The following EIF2AK1 variants were observed in gnomAD, a reference collection of about 807,000 sequenced individuals.
The protein encoded by EIF2AK1 is eukaryotic translation initiation factor 2 alpha kinase 1.
A neutral mutation model predicts 77.9 loss-of-function variants in EIF2AK1; 54 were observed. The observed-to-expected ratio is 0.69, with a 90% confidence interval of 0.56 to 0.87. EIF2AK1 has a LOEUF of 0.87. Ranked by LOEUF, EIF2AK1 falls within the 40% of genes least tolerant of loss-of-function variation. The pLI is 0.00. For missense variants in EIF2AK1, 810 were observed against 768.6 expected (o/e 1.05, Z -0.64); for synonymous variants, 314 against 290.5 (o/e 1.08, Z -0.82).
rs1583471192 is a variant in EIF2AK1, at chr7:6,024,398, CAG to C, written c.*273_*274del. On this transcript the variant is annotated 3_prime_UTR_variant, in exon 15 of 15. Coordinates refer to ENST00000199389, the MANE Select transcript of EIF2AK1 (RefSeq NM_014413.4). ...CGGTACCTTCTAGAGGAAGACCAGA[CAG>C]AGGGTCAACAGAGTTGAAAGGAGAA... is the stretch of plus-strand genomic sequence containing the variant. 3 of 1,306,200 alleles carry C rather than the reference CAG, an allele frequency of 2.3e-6. No individual in the cohort carries two copies. The highest frequency in any genetic ancestry group is 3.4e-5 in the Admixed American group (1 of 29,818). 80.9% of individuals were successfully genotyped at this position (1,306,200 alleles called of 1,614,324 possible).
At position 6,023,849 on chromosome 7, in the gene EIF2AK1, T is replaced by C; in HGVS notation, c.*824A>G. 1 of 1,549,492 alleles carries C rather than the reference T, an allele frequency of 6.5e-7. No homozygotes were observed. The highest frequency in any genetic ancestry group is 1.7e-4 in the Middle Eastern group (1 of 5,986). ...CATGTAATTTATGGTTTTCATTTTA[T>C]TTAAAATTCAGCAAAATCATACGCC... On this transcript the variant is annotated 3_prime_UTR_variant, in exon 15 of 15. Transcript: ENST00000199389.
At chr7:6,047,163 A>C (rs745627325) in intron 4 of EIF2AK1, 72 bp from the exon 5 acceptor site, 1 of 1,407,964 alleles carries the variant, frequency 7.1e-7, no homozygotes, top group African/African-American at 1.4e-5. Flanking sequence ...CCTCATGCTC[A>C]CAGGATTACT....
In EIF2AK1 at chr7:6,024,066, G is replaced by A; in HGVS notation, c.*607C>T. 7.7e-7 allele frequency: 1 copy of A among 1,306,018 alleles called. No homozygotes were observed. The highest frequency in any genetic ancestry group is 1.2e-5 in the South Asian group (1 of 81,156). The allele number at this position is 1,306,018 out of a possible 1,614,324, so 80.9% of individuals were successfully genotyped here. On this transcript the variant is annotated 3_prime_UTR_variant, in exon 15 of 15. Coordinates refer to ENST00000199389, the MANE Select transcript of EIF2AK1 (RefSeq NM_014413.4). ...CTGAGCTGCCTGGAGATCATCTGGGGTGCGGAGTACAAAGCTTTGCAAGGG... is the reference window on the plus strand; with the variant it reads ...CTGAGCTGCCTGGAGATCATCTGGGATGCGGAGTACAAAGCTTTGCAAGGG...
At chr7:6,047,153 C>A in intron 4 of EIF2AK1, 62 bp from the exon 5 acceptor site, 1 of 1,476,920 alleles carries the variant, frequency 6.8e-7, no homozygotes, top group Non-Finnish European at 9.4e-7. Context: ...TTCTAGGATA[C>A]CTCATGCTCA....
Position 6,024,600 on chromosome 7 carries a change from T to C in EIF2AK1, c.*73A>G, listed in dbSNP as rs1787684058. 6.9e-6 allele frequency: 11 copies of C among 1,601,034 alleles called. No individual in the cohort carries two copies. In the East Asian group the frequency reaches 1.8e-4, roughly 26 times the overall value. On this transcript the variant is annotated 3_prime_UTR_variant, in exon 15 of 15. Coordinates refer to ENST00000199389, the MANE Select transcript of EIF2AK1 (RefSeq NM_014413.4). ...AAGGCTTACTAAATACAACGAAGCA[T>C]TGTACCAACTATACCCTAATAAAGA... is the stretch of plus-strand genomic sequence containing the variant.
Position 6,055,796 on chromosome 7 carries a change from C to G in EIF2AK1, c.119-1092G>C, listed in dbSNP as rs558347539. 4.9e-4 allele frequency among the ~76,000 whole-genome samples: 74 copies of G among 150,392 alleles called. 2 individuals carry two copies. The South Asian group carries it at 0.015, about 31-fold the overall frequency. On this transcript the variant is annotated intron_variant, in intron 1 of 14. Coordinates refer to ENST00000199389, the MANE Select transcript of EIF2AK1 (RefSeq NM_014413.4). ...AGGAGTTCGAGACCAGCCTGGCCAA[C>G]ATGGAGAAACCCTGTCTCTACGAAA...
Position 6,023,664 on chromosome 7 carries a change from T to A in EIF2AK1, c.*1009A>T. The A allele has an allele frequency of 6.2e-7, 1 of 1,614,148 alleles. No homozygotes were observed. Among genetic ancestry groups the A allele is most frequent in the Non-Finnish European group, 8.5e-7 (1 of 1,180,026 alleles). On this transcript the variant is annotated 3_prime_UTR_variant, in exon 15 of 15. Coordinates refer to ENST00000199389, the MANE Select transcript of EIF2AK1 (RefSeq NM_014413.4). ...GGTCTTGTGAAAACCTGGCTCCTTT[T>A]AACACGGCCCTCAAGCTCCTTAAGT... is the stretch of plus-strand genomic sequence containing the variant.
chr7:6,058,105 C>A (rs1454689410), intron 1 of EIF2AK1: 1 of 455,492 alleles, frequency 2.2e-6, no homozygotes, highest in Non-Finnish European at 4.4e-6. Flanking sequence ...TCCTAGTAAA[C>A]AAAAGCCTCA....
Position 6,037,538 on chromosome 7 carries a change from A to T in EIF2AK1, c.1232-14T>A. On this transcript the variant is annotated splice_polypyrimidine_tract_variant and intron_variant, in intron 10 of 14. Coordinates refer to ENST00000199389, the MANE Select transcript of EIF2AK1 (RefSeq NM_014413.4). The stretch of plus-strand genomic sequence containing the variant: ...TAACATAAGGACCTTGAAGTAAAAA[A>T]AAATAGTTTTATTTCTCTAATTTTT... The T allele has an allele frequency of 6.5e-7, 1 of 1,541,418 alleles. No individual in the cohort carries two copies. The highest frequency in any genetic ancestry group is 8.9e-7 in the Non-Finnish European group (1 of 1,122,092).
chr7:6,048,546 C>T (rs1788510009), intron 4 of EIF2AK1, among the ~76,000 whole-genome samples: 2 of 152,068 alleles, frequency 1.3e-5, no homozygotes, highest in Non-Finnish European at 2.9e-5. Context: ...TTCAATGGTC[C>T]CCCTAACAGA....
chr7:6,054,107 C>A lies in EIF2AK1; in HGVS notation c.277+439G>T, dbSNP rs187228146. Among the ~76,000 whole-genome samples the A allele has an allele frequency of 1.4e-4, 22 of 152,138 alleles. No homozygotes were observed. The East Asian group carries it at 3.5e-3, about 24-fold the overall frequency. On this transcript the variant is annotated intron_variant, in intron 2 of 14. Transcript: ENST00000199389. The stretch of plus-strand genomic sequence containing the variant: ...TAACCATCCTCCACTATCCTCCCAG[C>A]CTCTGGGAACCATCATTCTACTCTA...
In EIF2AK1 at chr7:6,036,385, G is replaced by A. The variant is rs947820035; in HGVS notation, c.1332+1039C>T. 1 of 1,459,518 alleles carries A rather than the reference G, an allele frequency of 6.9e-7. No individual in the cohort carries two copies. The highest frequency in any genetic ancestry group is 1.4e-5 in the African/African-American group (1 of 70,230). 90.4% of individuals were successfully genotyped at this position (1,459,518 alleles called of 1,614,324 possible). A position where few individuals can be genotyped will look rare whatever the true frequency, so the allele number is the denominator to read the frequency against. ...TGTTATGACTTGGCATATACCTCTT[G>A]AAATAAGACCTCCCAGTTTCACAGC... On this transcript the variant is annotated intron_variant, in intron 11 of 14. Transcript: ENST00000199389. This position sits in a 1 kb window ranked among gnomAD's most constrained non-coding sequence, Gnocchi z 4.6.
rs71008353 is a variant in EIF2AK1, at chr7:6,056,613, A to AATATATAT, written c.119-1917_119-1910dup. On this transcript the variant is annotated intron_variant, in intron 1 of 14. Transcript: ENST00000199389. ...CATCTCAAGGGAAAAAAAAAAAAAA[A>AATATATAT]ATATATATATATATATATATATAAA... 8.2e-4 allele frequency among the ~76,000 whole-genome samples: 36 copies of AATATATAT among 43,738 alleles called. 3 individuals carry two copies. The highest frequency in any genetic ancestry group is 3.0e-3 in the African/African-American group (36 of 12,158). 28.7% of individuals were successfully genotyped at this position (43,738 alleles called of 152,430 possible). A position where few individuals can be genotyped will look rare whatever the true frequency, so the allele number is the denominator to read the frequency against.
At chr7:6,056,613 A>AAAAATATATATATATAT in intron 1 of EIF2AK1, among the ~76,000 whole-genome samples, 15 of 43,736 alleles carry the variant, frequency 3.4e-4, no homozygotes, top group Non-Finnish European at 4.7e-4. Flanking sequence ...AAAAAAAAAA[A>AAAAATATATATATATAT]ATATATATAT....
chr7:6,034,778 G>T (rs553306378), intron 11 of EIF2AK1, among the ~76,000 whole-genome samples: 1 of 152,144 alleles, frequency 6.6e-6, no homozygotes, highest in African/African-American at 2.4e-5. Context: ...TTTTGAAAGC[G>T]CTTCTGAGAT....
Position 6,038,565 on chromosome 7 carries a change from G to A in EIF2AK1, c.1226C>T (p.Ser409Phe). ...NKRGREYVDE[S>F]ACPYVMANVA... ...CAGACCCAGATGGTACTCACAGGCA[G>A]ACTCGTCCACATACTCCCGGCCCCG... The change falls in exon 10 of 15, where the codon TCT (serine) becomes TTT (phenylalanine). Residue 409 changes from serine (S) to phenylalanine (F), a missense_variant. By Grantham distance (155) the Ser-to-Phe change is radical. Transcript: ENST00000199389. 1 of 1,610,490 alleles carries A rather than the reference G, an allele frequency of 6.2e-7. No homozygotes were observed. The highest frequency in any genetic ancestry group is 8.5e-7 in the Non-Finnish European group (1 of 1,178,126).
At chr7:6,028,892 A>G in intron 12 of EIF2AK1, 26 bp downstream of exon 12, 1 of 1,571,342 alleles carries the variant, frequency 6.4e-7, no homozygotes, top group African/African-American at 1.4e-5. Flanking sequence ...TTATGCAAAG[A>G]AAACAAAACA....
chr7:6,057,598 T>TAA (rs143149612), intron 1 of EIF2AK1: 19 of 133,734 alleles, frequency 1.4e-4, no homozygotes, highest in South Asian at 4.8e-4. Flanking sequence ...AAGCATTCCA[T>TAA]AAAAAAAAAA....
In EIF2AK1 at chr7:6,032,751, T is replaced by C; in HGVS notation, c.1333-3719A>G. The C allele has an allele frequency of 1.9e-6, 2 of 1,077,624 alleles. No homozygotes were observed. Among genetic ancestry groups the C allele is most frequent in the Admixed American group, 2.2e-5 (1 of 45,666 alleles). 66.8% of individuals were successfully genotyped at this position (1,077,624 alleles called of 1,614,324 possible). On this transcript the variant is annotated intron_variant, in intron 11 of 14. Transcript: ENST00000199389. The surrounding 1 kb of genome is among the most constrained non-coding windows in gnomAD (Gnocchi z 4.3). ...GTGAGCCAATGAGACACTAAATAAA[T>C]GTATTGCCTTTGAAACGGCAAGCTA...
Sources: gnomAD v4.1 joint callset for allele counts (sites outside exome capture counted in the v4.1 genomes callset) on GRCh38, gnomAD v4.1.1 for gene constraint, Gnocchi (gnomAD v3.1) non-coding constraint, MANE v1.5 for transcripts, NCBI Gene and HGNC (gene_info 2026-07-23, HGNC 2026-07-21) for gene names.